Variants in SYTL4 observed in about 807,000 individuals in gnomAD.
The protein encoded by SYTL4 is synaptotagmin like 4, also known as synaptotagmin-like protein 4.
In SYTL4, 16 loss-of-function variants were observed where a neutral mutation model predicts 52.7. That is an observed-to-expected ratio of 0.30 (90% confidence interval 0.21 to 0.46). The LOEUF (loss-of-function observed/expected upper bound fraction) is 0.46, where lower values mean the gene tolerates loss of function less well. SYTL4 is among the 20% of genes least tolerant of loss of function. The probability of loss-of-function intolerance (pLI) is 1.00; values close to 1 mark genes in which losing one functional copy is unlikely to be tolerated. For synonymous variants in SYTL4, 160 were observed against 186.6 expected (o/e 0.86, Z 1.16); for missense variants, 423 against 519.9 (o/e 0.81, Z 1.81).
intron 8 of SYTL4, among the ~76,000 whole-genome samples, chrX:100,700,607 T>C (rs759545883): frequency 8.9e-6 from 1 of 112,227 alleles, no homozygotes; most frequent in Non-Finnish European, 1.9e-5. Flanking sequence ...TGAGCATGTG[T>C]TATTTTTATT....
At chrX:100,700,352 TA>T (rs760301071) in intron 8 of SYTL4, among the ~76,000 whole-genome samples, 1 of 112,143 alleles carries the variant, frequency 8.9e-6, no homozygotes. Flanking sequence ...TCTTTTACTT[TA>T]AAAAAACATT....
intron 2 of SYTL4, among the ~76,000 whole-genome samples, chrX:100,723,697 C>T (rs898640603): frequency 1.8e-5 from 2 of 110,136 alleles, no homozygotes; most frequent in African/African-American, 3.3e-5. Flanking sequence ...TGCCCTGCCG[C>T]CCCGTCTGGG....
chrX:100,688,515 T>C (rs2083517359), intron 12 of SYTL4, 72 bp from the exon 13 acceptor site: 3 of 909,245 alleles, frequency 3.3e-6, no homozygotes, highest in Non-Finnish European at 4.5e-6. Flanking sequence ...CTAATATCTT[T>C]CCTTTAAAGC....
intron 3 of SYTL4, among the ~76,000 whole-genome samples, chrX:100,703,498 C>A (rs944173776): frequency 8.9e-6 from 1 of 111,949 alleles, no homozygotes; most frequent in East Asian, 2.8e-4. Flanking sequence ...ATAGCTATAT[C>A]GCTCTAGTTA....
intron 16 of SYTL4, among the ~76,000 whole-genome samples, chrX:100,683,085 C>A (rs2083407634): frequency 9.3e-6 from 1 of 107,496 alleles, no homozygotes; most frequent in African/African-American, 3.4e-5. Flanking sequence ...GCTTTAGTAT[C>A]CAGAGCATGA....
intron 2 of SYTL4, among the ~76,000 whole-genome samples, chrX:100,714,621 G>A (rs984147125): frequency 1.8e-5 from 2 of 111,633 alleles, no homozygotes; most frequent in African/African-American, 6.5e-5. Context: ...TTACTACACA[G>A]TTTTGTTATC....
chrX:100,724,000 G>A (rs1209573312), intron 2 of SYTL4, among the ~76,000 whole-genome samples: 10 of 93,525 alleles, frequency 1.1e-4, no homozygotes, highest in Non-Finnish European at 2.1e-4. Context: ...CAGCCGCCCC[G>A]TCCGGGAGGG....
chrX:100,717,254 TA>T (rs763503266), intron 2 of SYTL4, among the ~76,000 whole-genome samples: 40 of 104,833 alleles, frequency 3.8e-4, no homozygotes, highest in African/African-American at 1.1e-3. Context: ...TAAATAATCC[TA>T]AAAAAAAAAC....
At chrX:100,729,678 T>C (rs1293538392) in intron 2 of SYTL4, among the ~76,000 whole-genome samples, 2 of 111,154 alleles carry the variant, frequency 1.8e-5, no homozygotes, top group African/African-American at 6.5e-5. Flanking sequence ...CTTACAGCCT[T>C]CCAGGTGGAA....
intron 2 of SYTL4, among the ~76,000 whole-genome samples, chrX:100,727,984 G>A (rs1233393885): frequency 1.8e-5 from 2 of 111,641 alleles, no homozygotes; most frequent in Admixed American, 9.5e-5. Flanking sequence ...ATATGAGGCT[G>A]CAGCTTAGAA....
rs182321611 is a variant in SYTL4 at position 100,726,874 on chromosome X, C to T, written c.-240+4544G>A. Among the ~76,000 whole-genome samples, 4 of 110,804 alleles carry T rather than the reference C, an allele frequency of 3.6e-5. No homozygotes were observed. The Admixed American group carries it at 3.9e-4, about 11-fold the overall frequency. ...TCAGAGACTTTAGGGTATCTATAACCTGAATAACATACATTGTACCCATTA... is the reference window on the plus strand; with the variant it reads ...TCAGAGACTTTAGGGTATCTATAACTTGAATAACATACATTGTACCCATTA... On this transcript the variant is annotated intron_variant, in intron 2 of 19. Coordinates refer to ENST00000372989, the MANE Select transcript of SYTL4 (RefSeq NM_001370165.1).
chrX:100,686,178 A>G, intron 15 of SYTL4, 27 bp from the exon 16 acceptor site: 1 of 1,181,100 alleles, frequency 8.5e-7, no homozygotes. Flanking sequence ...AAAGCCCAAG[A>G]TGATTAGTTA....
intron 19 of SYTL4, 32 bp from the exon 20 acceptor site, chrX:100,676,208 G>T (rs753023136): frequency 8.3e-7 from 1 of 1,207,531 alleles, no homozygotes; most frequent in East Asian, 3.0e-5. Context: ...GGCTAAAGAG[G>T]GGCCCCACTC....
chrX:100,713,999 G>A (rs1443230672), intron 2 of SYTL4, among the ~76,000 whole-genome samples: 2 of 111,156 alleles, frequency 1.8e-5, no homozygotes, highest in Non-Finnish European at 3.8e-5. Context: ...TTACAACATG[G>A]CACAAGGAAA....
intron 12 of SYTL4, 78 bp downstream of exon 12, chrX:100,689,778 G>A: frequency 1.7e-6 from 1 of 578,565 alleles, no homozygotes; most frequent in Non-Finnish European, 2.8e-6. Flanking sequence ...TAGGTTGACT[G>A]AGAATATCAG....
chrX:100,708,080 G>C (rs1465863119), intron 2 of SYTL4, among the ~76,000 whole-genome samples: 2 of 107,785 alleles, frequency 1.9e-5, no homozygotes, highest in African/African-American at 3.4e-5. Flanking sequence ...TGTCGGGGGT[G>C]GGGGGCTAGG....
intron 2 of SYTL4, among the ~76,000 whole-genome samples, chrX:100,722,501 G>A (rs571788103): frequency 4.5e-5 from 5 of 111,290 alleles, no homozygotes; most frequent in African/African-American, 1.3e-4. Flanking sequence ...AGTTCCTGCC[G>A]CCAAATCTAT....
At position 100,679,500 on chromosome X, in the gene SYTL4, C is replaced by T. The variant is rs2083336108; in HGVS notation, c.1559-88G>A. 7 of 740,204 alleles carry T rather than the reference C, an allele frequency of 9.5e-6. No homozygotes were observed. In the South Asian group the frequency reaches 1.7e-4, roughly 18 times the overall value. The allele number at this position is 740,204 out of a possible 1,213,427, so 61.0% of individuals were successfully genotyped here. ...GTTTATGCAGCACTTTCTTTGCTTGCTCCTAAAGGCAGCGAGCTCCATAAC... is the reference window on the plus strand; with the variant it reads ...GTTTATGCAGCACTTTCTTTGCTTGTTCCTAAAGGCAGCGAGCTCCATAAC... On this transcript the variant is annotated intron_variant, in intron 17 of 19. Coordinates refer to ENST00000372989, the MANE Select transcript of SYTL4 (RefSeq NM_001370165.1).
intron 8 of SYTL4, among the ~76,000 whole-genome samples, chrX:100,695,499 T>A (rs1410185743): frequency 2.7e-5 from 3 of 111,318 alleles, no homozygotes; most frequent in South Asian, 7.6e-4. Flanking sequence ...ATAAAAGCCA[T>A]TCTTATCCTT....
Sources: allele counts gnomAD v4.1 joint callset (sites outside exome capture counted in the v4.1 genomes callset), GRCh38; gene constraint gnomAD v4.1.1; transcripts MANE v1.5; gene names NCBI Gene and HGNC (gene_info 2026-07-23, HGNC 2026-07-21).